The following C1QTNF1 variants were observed in gnomAD, a reference collection of about 807,000 sequenced individuals.
C1QTNF1 encodes the protein complement C1q tumor necrosis factor-related protein 1.
In C1QTNF1, 22 loss-of-function variants were observed where a neutral mutation model predicts 27.8. That is an observed-to-expected ratio of 0.79 (90% confidence interval 0.56 to 1.13). The LOEUF is 1.13. Among genes scored for constraint, C1QTNF1 ranks in the 50% most tolerant of loss-of-function variants. The pLI, the probability that C1QTNF1 is intolerant of heterozygous loss-of-function variation, is 0.00. For synonymous variants in C1QTNF1, 166 were observed against 154.3 expected, an observed-to-expected ratio of 1.08 and a Z score of -0.56; for missense variants, 373 against 380.2, an observed-to-expected ratio of 0.98 and a Z score of 0.16.
At position 79,037,479 on chromosome 17, in the gene C1QTNF1, G is replaced by A. The variant is rs538216504; in HGVS notation, c.-14-6476G>A. ...GGGATTTGCCATGTTGGCCAGGCTG[G>A]TCTCGAACCCCTGACTTCAAGTGAT... On this transcript the variant is annotated intron_variant, in intron 1 of 3. Coordinates refer to ENST00000579760, the MANE Select transcript of C1QTNF1 (RefSeq NM_030968.5). 1.1e-3 allele frequency among the ~76,000 whole-genome samples: 167 copies of A among 152,056 alleles called. 1 individual carries two copies. Among genetic ancestry groups the A allele is most frequent in the Non-Finnish European group, 2.0e-3 (138 of 67,976 alleles).
intron 1 of C1QTNF1, among the ~76,000 whole-genome samples, chr17:79,035,516 T>A (rs954808825): frequency 4.6e-5 from 7 of 151,926 alleles, no homozygotes; most frequent in Admixed American, 4.6e-4. Flanking sequence ...CTGCAACCTC[T>A]GCCTCCTGGG....
intron 1 of C1QTNF1, among the ~76,000 whole-genome samples, chr17:79,038,362 T>C (rs8081855): frequency 0.045 from 6,885 of 152,194 alleles, 518 homozygotes; most frequent in African/African-American, 0.15. Flanking sequence ...GTAGCCTGGT[T>C]TCTCTTTTCT....
intron 1 of C1QTNF1, among the ~76,000 whole-genome samples, chr17:79,029,880 G>C (rs1188041458): frequency 1.3e-5 from 2 of 152,204 alleles, no homozygotes; most frequent in Admixed American, 1.3e-4. Flanking sequence ...TACTGCCCAA[G>C]GGAAAGGGCA....
rs544706707 is a variant in C1QTNF1 at position 79,048,566 on chromosome 17, A to C, written c.*478A>C. On this transcript the variant is annotated 3_prime_UTR_variant, in exon 4 of 4. Coordinates refer to ENST00000579760, the MANE Select transcript of C1QTNF1 (RefSeq NM_030968.5). ...TTCAGTTGAGACTCTGCTTAAGAGA[A>C]GATCCAAAGTTAAAGCTCTGGGGTC... 1 of 154,134 alleles carries C rather than the reference A, an allele frequency of 6.5e-6. No individual in the cohort carries two copies. Among genetic ancestry groups the C allele is most frequent in the South Asian group, 2.1e-4 (1 of 4,864 alleles). The allele number at this position is 154,134 out of a possible 1,614,324, so 9.5% of individuals were successfully genotyped here.
intron 3 of C1QTNF1, chr17:79,047,192 T>C (rs1267176201): frequency 3.6e-6 from 1 of 281,372 alleles, no homozygotes; most frequent in East Asian, 6.1e-5. Context: ...GCAGAGCCCA[T>C]TGCTTTTGGA....
At chr17:79,033,346 C>T (rs1468235372) in intron 1 of C1QTNF1, among the ~76,000 whole-genome samples, 2 of 152,086 alleles carry the variant, frequency 1.3e-5, no homozygotes, top group African/African-American at 4.8e-5. Context: ...GCCCAGGTCT[C>T]AGCAGCCAGG....
chr17:79,031,985 A>G (rs1223370249), intron 1 of C1QTNF1, among the ~76,000 whole-genome samples: 1 of 152,234 alleles, frequency 6.6e-6, no homozygotes, highest in African/African-American at 2.4e-5. Context: ...TGGCTGAGGC[A>G]TGTCATCTTT....
intron 1 of C1QTNF1, among the ~76,000 whole-genome samples, chr17:79,035,153 C>T (rs922158072): frequency 2.0e-5 from 3 of 152,192 alleles, no homozygotes; most frequent in African/African-American, 4.8e-5. Context: ...GAGCAGATGT[C>T]ACCTGTCAGA....
intron 1 of C1QTNF1, among the ~76,000 whole-genome samples, chr17:79,033,964 C>A (rs1024471603): frequency 6.6e-6 from 1 of 152,112 alleles, no homozygotes; most frequent in African/African-American, 2.4e-5. Flanking sequence ...GCGGGGCCAG[C>A]AGGAGGAGGG....
chr17:79,031,456 T>C (rs2072138200), intron 1 of C1QTNF1, among the ~76,000 whole-genome samples: 1 of 152,126 alleles, frequency 6.6e-6, no homozygotes, highest in Non-Finnish European at 1.5e-5. Flanking sequence ...ATTTTTTGTT[T>C]TCTTTTTTTG....
At chr17:79,038,628 A>T (rs888387930) in intron 1 of C1QTNF1, among the ~76,000 whole-genome samples, 7 of 152,300 alleles carry the variant, frequency 4.6e-5, no homozygotes, top group African/African-American at 1.4e-4. Flanking sequence ...AGACTGGGCC[A>T]CGTGGATCTG....
In C1QTNF1 at chr17:79,046,876, T is replaced by G; in HGVS notation, c.295+182T>G. On this transcript the variant is annotated intron_variant, in intron 3 of 3. Transcript: ENST00000579760. The surrounding 1 kb of genome is among the most constrained non-coding windows in gnomAD (Gnocchi z 4.8). Reference sequence around the variant, plus strand: ...ACAGGAAATTCTGATTTTGAGGCTCTGGCCCCTCTCCAAGAGGAGGGGTTG... The same window carrying G: ...ACAGGAAATTCTGATTTTGAGGCTCGGGCCCCTCTCCAAGAGGAGGGGTTG... The G allele has an allele frequency of 1.3e-6, 1 of 780,902 alleles. No individual in the cohort carries two copies. The highest frequency in any genetic ancestry group is 2.0e-6 in the Non-Finnish European group (1 of 507,594). 48.4% of individuals were successfully genotyped at this position (780,902 alleles called of 1,614,324 possible).
chr17:79,029,032 G>T lies in C1QTNF1; in HGVS notation c.-15+4538G>T, dbSNP rs188114818. 1.7e-3 allele frequency among the ~76,000 whole-genome samples: 256 copies of T among 152,286 alleles called. 1 individual carries two copies. The highest frequency in any genetic ancestry group is 5.9e-3 in the African/African-American group (244 of 41,544). On this transcript the variant is annotated intron_variant, in intron 1 of 3. Transcript: ENST00000579760. The stretch of plus-strand genomic sequence containing the variant: ...GGGATATCTTAGCACATTGCATCAA[G>T]GAAGATGGTTACAGGTTTCCCTGGT...
intron 3 of C1QTNF1, 72 bp from the exon 4 acceptor site, chr17:79,047,466 G>C (rs1341430802): frequency 7.0e-7 from 1 of 1,418,566 alleles, no homozygotes; most frequent in Non-Finnish European, 9.5e-7. Flanking sequence ...AGGGACCGGA[G>C]AGTGAGCAGC....
chr17:79,046,887 C>A lies in C1QTNF1; in HGVS notation c.295+193C>A. The A allele has an allele frequency of 4.1e-6, 3 of 728,288 alleles. No individual in the cohort carries two copies. Among genetic ancestry groups the A allele is most frequent in the Non-Finnish European group, 6.5e-6 (3 of 463,092 alleles). 45.1% of individuals were successfully genotyped at this position (728,288 alleles called of 1,614,324 possible). A position where few individuals can be genotyped will look rare whatever the true frequency, so the allele number is the denominator to read the frequency against. On this transcript the variant is annotated intron_variant, in intron 3 of 3. Coordinates refer to ENST00000579760, the MANE Select transcript of C1QTNF1 (RefSeq NM_030968.5). This position sits in a 1 kb window ranked among gnomAD's most constrained non-coding sequence, Gnocchi z 4.8. The stretch of plus-strand genomic sequence containing the variant: ...TGATTTTGAGGCTCTGGCCCCTCTC[C>A]AAGAGGAGGGGTTGGAAAGGGGCCC...
Position 79,048,682 on chromosome 17 carries a change from C to T in C1QTNF1, c.*594C>T, listed in dbSNP as rs957678215. On this transcript the variant is annotated 3_prime_UTR_variant, in exon 4 of 4. Transcript: ENST00000579760. ...TTGAGGGATAGGTGGACCCTGACAT[C>T]CCTGTGGCCTTGCCCAAGGGCTCTG... 1 of 152,210 alleles carries T rather than the reference C, an allele frequency of 6.6e-6. No homozygotes were observed. The highest frequency in any genetic ancestry group is 2.4e-5 in the African/African-American group (1 of 41,436). 9.4% of individuals were successfully genotyped at this position (152,210 alleles called of 1,614,324 possible). A position where few individuals can be genotyped will look rare whatever the true frequency, so the allele number is the denominator to read the frequency against.
At chr17:79,033,500 C>A (rs1342694379) in intron 1 of C1QTNF1, among the ~76,000 whole-genome samples, 1 of 151,828 alleles carries the variant, frequency 6.6e-6, no homozygotes, top group African/African-American at 2.4e-5. Flanking sequence ...TGCTTGAGAC[C>A]AGCCTGGGAA....
chr17:79,025,779 C>A, intron 1 of C1QTNF1: 1 of 213,440 alleles, frequency 4.7e-6, no homozygotes, highest in Admixed American at 4.5e-5. Flanking sequence ...GAGATGGGAG[C>A]CGAGGTCTGA....
chr17:79,029,930 G>C (rs369017900), intron 1 of C1QTNF1, among the ~76,000 whole-genome samples: 1 of 152,204 alleles, frequency 6.6e-6, no homozygotes, highest in African/African-American at 2.4e-5. Context: ...TCCCTGCTGG[G>C]TAGGTAGTAG....
Sources: allele counts gnomAD v4.1 joint callset (sites outside exome capture counted in the v4.1 genomes callset), GRCh38; gene constraint gnomAD v4.1.1; non-coding constraint Gnocchi (gnomAD v3.1); transcripts MANE v1.5; gene names NCBI Gene and HGNC (gene_info 2026-07-23, HGNC 2026-07-21).